RABGAP1L: variants seen among roughly 807,000 people sequenced by gnomAD.
The protein encoded by RABGAP1L is RAB GTPase activating protein 1 like, also known as rab GTPase-activating protein 1-like.
A neutral mutation model predicts 137.7 loss-of-function variants in RABGAP1L; 63 were observed. That is an observed-to-expected ratio of 0.46 (90% confidence interval 0.37 to 0.56). RABGAP1L has a LOEUF of 0.56. RABGAP1L is among the 20% of genes least tolerant of loss of function. The pLI is 0.00. For synonymous variants in RABGAP1L, 431 were observed against 433.7 expected (o/e 0.99, Z 0.08); for missense variants, 1,095 against 1,244.0 (o/e 0.88, Z 1.80).
intron 13 of RABGAP1L, among the ~76,000 whole-genome samples, chr1:174,536,780 T>A (rs968840574): frequency 3.3e-5 from 5 of 152,282 alleles, no homozygotes; most frequent in African/African-American, 1.2e-4. Flanking sequence ...TTAATTCTTT[T>A]CAGCAGAAGG....
intron 3 of RABGAP1L, among the ~76,000 whole-genome samples, chr1:174,224,185 T>G (rs1232482817): frequency 6.6e-6 from 1 of 152,064 alleles, no homozygotes; most frequent in South Asian, 2.1e-4. Flanking sequence ...ATAGAAAAAT[T>G]TAAGTCTGGC....
chr1:174,226,119 T>G (rs1012761179), intron 3 of RABGAP1L, among the ~76,000 whole-genome samples: 1 of 152,190 alleles, frequency 6.6e-6, no homozygotes, highest in East Asian at 1.9e-4. Flanking sequence ...AGATTGGATT[T>G]CTTTGTTTTG....
At chr1:174,616,887 A>G (rs991132761) in intron 13 of RABGAP1L, among the ~76,000 whole-genome samples, 1 of 152,216 alleles carries the variant, frequency 6.6e-6, no homozygotes, top group Non-Finnish European at 1.5e-5. Context: ...CTGAAAAAGC[A>G]TCTCACGTGA....
At chr1:174,542,469 T>G (rs1198232182) in intron 13 of RABGAP1L, among the ~76,000 whole-genome samples, 1 of 152,222 alleles carries the variant, frequency 6.6e-6, no homozygotes, top group Non-Finnish European at 1.5e-5. Flanking sequence ...TTGCATCTAT[T>G]TGATTCTTCT....
At chr1:174,568,294 G>A (rs544758282) in intron 13 of RABGAP1L, among the ~76,000 whole-genome samples, 9 of 152,242 alleles carry the variant, frequency 5.9e-5, no homozygotes, top group African/African-American at 1.9e-4. Context: ...CCATGACCCA[G>A]TACCTCCCAC....
At position 174,982,868 on chromosome 1, in the gene RABGAP1L, A is replaced by G. The variant is rs1386284587; in HGVS notation, c.2768A>G (p.Gln923Arg). Residue 923 changes from glutamine (Q) to arginine (R), a missense_variant, in exon 24 of 26, where the codon CAG (glutamine) becomes CGG (arginine). This residue lies in a region of RABGAP1L where 312 missense variants were observed against 435.6 expected (regional missense o/e 0.72). Coordinates refer to ENST00000681986, the MANE Select transcript of RABGAP1L (RefSeq NM_001366446.1). ...CSQLSTRLEKQQAASKEELEV... is the reference protein window; with the variant it reads ...CSQLSTRLEKRQAASKEELEV... Reference sequence around the variant, plus strand: ...CAGTTGAGTACCAGGCTGGAGAAACAGCAAGCAGCCAGCAAGGAGGAGCTG... The same window carrying G: ...CAGTTGAGTACCAGGCTGGAGAAACGGCAAGCAGCCAGCAAGGAGGAGCTG... The G allele has an allele frequency of 6.4e-7, 1 of 1,550,534 alleles. No homozygotes were observed. Among genetic ancestry groups the G allele is most frequent in the African/African-American group, 1.4e-5 (1 of 73,180 alleles).
At chr1:174,187,724 T>C (rs977227442) in intron 1 of RABGAP1L, among the ~76,000 whole-genome samples, 2 of 152,170 alleles carry the variant, frequency 1.3e-5, no homozygotes, top group African/African-American at 4.8e-5. Flanking sequence ...TCGTTCACTA[T>C]CTTAAGAATT....
intron 7 of RABGAP1L, among the ~76,000 whole-genome samples, chr1:174,268,052 G>A (rs1459017278): frequency 2.6e-5 from 4 of 152,132 alleles, no homozygotes; most frequent in African/African-American, 9.7e-5. Flanking sequence ...TTTTGCTTTA[G>A]CCCCTTTGGG....
chr1:174,649,027 G>C (rs910477881), intron 14 of RABGAP1L, among the ~76,000 whole-genome samples: 1 of 151,994 alleles, frequency 6.6e-6, no homozygotes, highest in Non-Finnish European at 1.5e-5. Flanking sequence ...TGCCACCCCT[G>C]CTTTTTTTTG....
intron 13 of RABGAP1L, among the ~76,000 whole-genome samples, chr1:174,494,157 G>C (rs1660534495): frequency 1.3e-5 from 2 of 152,172 alleles, no homozygotes. Flanking sequence ...GGTTTGGAAA[G>C]GTTTATGTAG....
chr1:174,568,946 T>C (rs1382866324), intron 13 of RABGAP1L, among the ~76,000 whole-genome samples: 1 of 152,210 alleles, frequency 6.6e-6, no homozygotes, highest in Non-Finnish European at 1.5e-5. Context: ...TGTTGGGTAT[T>C]TAATTGTATG....
chr1:174,634,918 G>C (rs1673822185), intron 13 of RABGAP1L, among the ~76,000 whole-genome samples: 2 of 144,286 alleles, frequency 1.4e-5, no homozygotes. Flanking sequence ...AGCATTGGGA[G>C]ATATACCTAA....
At chr1:174,331,907 A>G (rs1224777913) in intron 11 of RABGAP1L, among the ~76,000 whole-genome samples, 1 of 139,550 alleles carries the variant, frequency 7.2e-6, no homozygotes, top group Non-Finnish European at 1.5e-5. Flanking sequence ...GTTTCCACCT[A>G]TGAGTGAGAA....
chr1:174,826,523 C>T (rs1417864202), intron 19 of RABGAP1L, among the ~76,000 whole-genome samples: 1 of 152,142 alleles, frequency 6.6e-6, no homozygotes, highest in Non-Finnish European at 1.5e-5. Flanking sequence ...CGCCCGGCCA[C>T]CACATTTTCT....
intron 12 of RABGAP1L, among the ~76,000 whole-genome samples, chr1:174,378,992 G>A (rs1277800246): frequency 1.5e-5 from 2 of 131,592 alleles, no homozygotes; most frequent in African/African-American, 3.4e-5. Context: ...TCCAGTTTCA[G>A]CTTTCTACAT....
At chr1:174,729,437 TC>T (rs1558025239) in intron 17 of RABGAP1L, among the ~76,000 whole-genome samples, 1 of 152,092 alleles carries the variant, frequency 6.6e-6, no homozygotes, top group Non-Finnish European at 1.5e-5. Context: ...TATGACTAAG[TC>T]CTCAAAAGCA....
chr1:174,306,666 GT>G (rs369485142), intron 11 of RABGAP1L, among the ~76,000 whole-genome samples: 3 of 150,712 alleles, frequency 2.0e-5, no homozygotes, highest in Admixed American at 6.6e-5. Flanking sequence ...TTCAATTCTT[GT>G]TTTTTTTTGT....
chr1:174,384,105 A>G (rs1686510228), intron 12 of RABGAP1L, among the ~76,000 whole-genome samples: 1 of 152,250 alleles, frequency 6.6e-6, no homozygotes, highest in South Asian at 2.1e-4. Context: ...AATTAAAAGA[A>G]TGAACTGATA....
intron 13 of RABGAP1L, among the ~76,000 whole-genome samples, chr1:174,460,783 G>A (rs1214302599): frequency 6.6e-6 from 1 of 151,798 alleles, no homozygotes; most frequent in Non-Finnish European, 1.5e-5. Context: ...CCCCTATAGG[G>A]AATTTGTTTA....
Sources: allele counts gnomAD v4.1 joint callset (sites outside exome capture counted in the v4.1 genomes callset), GRCh38; gene constraint gnomAD v4.1.1; regional missense constraint gnomAD v4.1.1; transcripts MANE v1.5; gene names NCBI Gene and HGNC (gene_info 2026-07-23, HGNC 2026-07-21).